AGBL4: variants seen among roughly 807,000 people sequenced by gnomAD.
AGBL4 encodes AGBL carboxypeptidase 4, also known as cytosolic carboxypeptidase 6.
AGBL4 carries 58 observed loss-of-function variants against 66.4 expected under a neutral mutation model. That is an observed-to-expected ratio of 0.87 (90% CI 0.71 to 1.09). The LOEUF (loss-of-function observed/expected upper bound fraction) is 1.09, where lower values mean the gene tolerates loss of function less well. Among genes scored for constraint, AGBL4 ranks in the 50% least tolerant of loss-of-function variants. The probability of loss-of-function intolerance (pLI) is 0.00; values close to 1 mark genes in which losing one functional copy is unlikely to be tolerated. For synonymous variants in AGBL4, 234 were observed against 222.9 expected (o/e 1.05, Z -0.44); for missense variants, 579 against 631.0 (o/e 0.92, Z 0.88).
At chr1:49,727,703 G>A (rs1004998880) in intron 2 of AGBL4, among the ~76,000 whole-genome samples, 3 of 152,078 alleles carry the variant, frequency 2.0e-5, no homozygotes, top group Non-Finnish European at 4.4e-5. Flanking sequence ...GAAGCTTTCT[G>A]CTTTCTCAGA....
At chr1:49,076,089 A>C (rs1044847572) in intron 4 of AGBL4, among the ~76,000 whole-genome samples, 9 of 152,162 alleles carry the variant, frequency 5.9e-5, no homozygotes, top group African/African-American at 2.2e-4. Context: ...TTTTAAGTAG[A>C]ATTCAATTTT....
chr1:50,003,950 C>T (rs561186765), intron 1 of AGBL4, among the ~76,000 whole-genome samples: 1 of 152,256 alleles, frequency 6.6e-6, no homozygotes, highest in East Asian at 1.9e-4. Context: ...CAAAAAAGCA[C>T]CTTAATAAGA....
chr1:48,776,478 G>T (rs1645089892), intron 6 of AGBL4: 1 of 693,218 alleles, frequency 1.4e-6, no homozygotes, highest in East Asian at 3.4e-5. Context: ...ATGCCCAGAG[G>T]ACGGGAGAAG....
chr1:49,591,654 A>G (rs541064269), intron 3 of AGBL4, among the ~76,000 whole-genome samples: 2 of 152,326 alleles, frequency 1.3e-5, no homozygotes, highest in East Asian at 3.9e-4. Context: ...AAAATAACAA[A>G]GCCAGAAGAA....
chr1:48,595,265 G>C (rs761619616), intron 9 of AGBL4, among the ~76,000 whole-genome samples: 5 of 152,180 alleles, frequency 3.3e-5, no homozygotes, highest in Non-Finnish European at 7.3e-5. Context: ...TTGAGGGCAA[G>C]GATCTTATAT....
intron 3 of AGBL4, among the ~76,000 whole-genome samples, chr1:49,642,335 A>T (rs1053082423): frequency 3.9e-5 from 6 of 151,976 alleles, no homozygotes; most frequent in African/African-American, 1.2e-4. Context: ...GAAACAAATC[A>T]TTTGAGCCCT....
At chr1:49,995,196 G>A in intron 1 of AGBL4, 1 of 456,274 alleles carries the variant, frequency 2.2e-6, no homozygotes, top group Non-Finnish European at 4.4e-6. Flanking sequence ...GGGGCAGGTG[G>A]GGAGGCACAA....
intron 9 of AGBL4, among the ~76,000 whole-genome samples, chr1:48,612,356 CA>C (rs1400739284): frequency 6.6e-6 from 1 of 152,166 alleles, no homozygotes; most frequent in Non-Finnish European, 1.5e-5. Context: ...TCAGTAAGTG[CA>C]GTGATAGAGA....
At chr1:49,658,079 A>C (rs1037734090) in intron 3 of AGBL4, among the ~76,000 whole-genome samples, 9 of 152,208 alleles carry the variant, frequency 5.9e-5, no homozygotes, top group Non-Finnish European at 8.8e-5. Context: ...CAACCTACAG[A>C]ATGGGAGAAA....
At chr1:49,353,297 G>A (rs1324176010) in intron 3 of AGBL4, among the ~76,000 whole-genome samples, 1 of 152,086 alleles carries the variant, frequency 6.6e-6, no homozygotes, top group Non-Finnish European at 1.5e-5. Context: ...TGGCATCTAA[G>A]GCATTTAATC....
At chr1:49,846,152 C>T in intron 2 of AGBL4, 1 of 1,456,304 alleles carries the variant, frequency 6.9e-7, no homozygotes, top group Non-Finnish European at 9.6e-7. Flanking sequence ...CAAGGAAAAG[C>T]CCTATGGGTT....
At chr1:49,061,335 G>A (rs1300814977) in intron 4 of AGBL4, among the ~76,000 whole-genome samples, 27 of 152,140 alleles carry the variant, frequency 1.8e-4, no homozygotes, top group Admixed American at 1.5e-3. Flanking sequence ...GGAAGCAGAC[G>A]AGGATCTTGA....
chr1:49,612,839 C>T (rs780533816), intron 3 of AGBL4, among the ~76,000 whole-genome samples: 48 of 152,138 alleles, frequency 3.2e-4, no homozygotes, highest in Middle Eastern at 3.2e-3. Context: ...CTCAAAGGAC[C>T]TAAAATACAA....
chr1:49,067,688 A>C (rs1183468877), intron 4 of AGBL4, among the ~76,000 whole-genome samples: 1 of 151,982 alleles, frequency 6.6e-6, no homozygotes, highest in Admixed American at 6.6e-5. Context: ...ACTCATCACC[A>C]TTTGAAATTG....
intron 6 of AGBL4, among the ~76,000 whole-genome samples, chr1:48,747,299 A>G (rs1650924907): frequency 6.6e-6 from 1 of 152,180 alleles, no homozygotes; most frequent in South Asian, 2.1e-4. Flanking sequence ...CACACACTTG[A>G]GGTTTATTTT....
At chr1:48,726,841 T>C (rs1282318136) in intron 6 of AGBL4, among the ~76,000 whole-genome samples, 1 of 152,210 alleles carries the variant, frequency 6.6e-6, no homozygotes, top group Admixed American at 6.5e-5. Flanking sequence ...CTCTAATCCT[T>C]GTAGCACCTC....
intron 5 of AGBL4, among the ~76,000 whole-genome samples, chr1:48,945,081 C>G (rs1290111005): frequency 6.6e-6 from 1 of 152,146 alleles, no homozygotes; most frequent in Non-Finnish European, 1.5e-5. Flanking sequence ...TGGAGAGGCA[C>G]TGGAGATGTC....
intron 3 of AGBL4, among the ~76,000 whole-genome samples, chr1:49,475,815 C>G (rs889304027): frequency 6.6e-6 from 1 of 151,970 alleles, no homozygotes; most frequent in South Asian, 2.1e-4. Context: ...TGGATCTTCT[C>G]TCTATTTCTT....
At chr1:50,006,490 G>A (rs112887981) in intron 1 of AGBL4, among the ~76,000 whole-genome samples, 4,281 of 152,152 alleles carry the variant, frequency 0.028, 171 homozygotes, top group African/African-American at 0.097. Flanking sequence ...AAAGAAGATT[G>A]TCTCAAAGCA....
Sources: allele counts gnomAD v4.1 joint callset (sites outside exome capture counted in the v4.1 genomes callset), GRCh38; gene constraint gnomAD v4.1.1; transcripts MANE v1.5; gene names NCBI Gene and HGNC (gene_info 2026-07-23, HGNC 2026-07-21).